Variants in ABCE1 observed in about 807,000 individuals in gnomAD.
The protein encoded by ABCE1 is ATP binding cassette subfamily E member 1.
ABCE1 carries 22 observed loss-of-function variants against 83.4 expected under a neutral mutation model. That is an observed-to-expected ratio of 0.26 (90% CI 0.19 to 0.38). The LOEUF (loss-of-function observed/expected upper bound fraction) is 0.38. ABCE1 is among the 10% of genes least tolerant of loss of function. The pLI is 1.00. For synonymous variants in ABCE1, 204 were observed against 233.7 expected (o/e 0.87, Z 1.16); for missense variants, 330 against 721.9 (o/e 0.46, Z 6.22).
chr4:145,119,278 T>TA (rs1188955652), intron 10 of ABCE1, among the ~76,000 whole-genome samples: 9 of 151,988 alleles, frequency 5.9e-5, no homozygotes, highest in African/African-American at 2.2e-4. Flanking sequence ...GTTTCTCAAA[T>TA]ACGCTTTTCA....
chr4:145,125,465 C>G (rs1046148167), intron 17 of ABCE1, among the ~76,000 whole-genome samples: 2 of 151,808 alleles, frequency 1.3e-5, no homozygotes, highest in African/African-American at 2.4e-5. Flanking sequence ...GAGACTCTGT[C>G]TAAAAAAATA....
At chr4:145,119,442 T>C (rs1749683994) in intron 10 of ABCE1, among the ~76,000 whole-genome samples, 2 of 152,000 alleles carry the variant, frequency 1.3e-5, no homozygotes, top group South Asian at 4.1e-4. Context: ...TTAGCTCATA[T>C]TCAATTTCAT....
intron 10 of ABCE1, among the ~76,000 whole-genome samples, chr4:145,117,657 G>A (rs1749641056): frequency 6.6e-6 from 1 of 151,678 alleles, no homozygotes; most frequent in South Asian, 2.1e-4. Flanking sequence ...TTTGTTGGGG[G>A]TTGGGAGGCT....
intron 8 of ABCE1, 81 bp downstream of exon 8, chr4:145,111,145 T>A (rs1749459640): frequency 1.1e-6 from 1 of 932,214 alleles, no homozygotes; most frequent in Non-Finnish European, 1.6e-6. Flanking sequence ...GAGGAATGGT[T>A]TTGAGAGAAA....
At chr4:145,112,780 C>G (rs1410672723) in intron 9 of ABCE1, among the ~76,000 whole-genome samples, 1 of 152,098 alleles carries the variant, frequency 6.6e-6, no homozygotes, top group African/African-American at 2.4e-5. Flanking sequence ...TTATAGGGTG[C>G]TTTTGTGGTT....
intron 11 of ABCE1, 128 bp downstream of exon 11, chr4:145,120,281 A>G (rs1012055524): frequency 1.3e-6 from 1 of 755,712 alleles, no homozygotes; most frequent in Non-Finnish European, 2.1e-6. Flanking sequence ...TAAACCCACA[A>G]ATTTCTTAGT....
chr4:145,103,176 C>T (rs1282200458), intron 1 of ABCE1, among the ~76,000 whole-genome samples: 5 of 151,790 alleles, frequency 3.3e-5, no homozygotes, highest in Admixed American at 1.3e-4. Context: ...TCTCTTATCC[C>T]CATCCAAGCC....
At chr4:145,101,245 A>G (rs1749148460) in intron 1 of ABCE1, among the ~76,000 whole-genome samples, 1 of 152,134 alleles carries the variant, frequency 6.6e-6, no homozygotes, top group South Asian at 2.1e-4. Context: ...TAAGCCATGT[A>G]ACTCTCTAGG....
At position 145,127,719 on chromosome 4, in the gene ABCE1, T is replaced by C; in HGVS notation, c.*146T>C. The C allele has an allele frequency of 3.7e-6, 2 of 540,574 alleles. No individual in the cohort carries two copies. The highest frequency in any genetic ancestry group is 6.0e-6 in the Non-Finnish European group (2 of 333,602). The allele number at this position is 540,574 out of a possible 1,614,324, so 33.5% of individuals were successfully genotyped here. Reference sequence around the variant, plus strand: ...TACTTAATATAACATAAAAAGCCAGTTGGGTTCTAAATTGTAGTTGAAACA... The same window carrying C: ...TACTTAATATAACATAAAAAGCCAGCTGGGTTCTAAATTGTAGTTGAAACA... On this transcript the variant is annotated 3_prime_UTR_variant, in exon 18 of 18. Transcript: ENST00000296577.
At chr4:145,112,958 T>TTTTTCTGTATAGTA (rs1177795767) in intron 9 of ABCE1, among the ~76,000 whole-genome samples, 1 of 152,158 alleles carries the variant, frequency 6.6e-6, no homozygotes, top group Non-Finnish European at 1.5e-5. Flanking sequence ...CCCAGGGGTT[T>TTTTTCTGTATAGTA]TTTTCTGTAT....
chr4:145,126,535 TC>T (rs1354997084), intron 17 of ABCE1, among the ~76,000 whole-genome samples: 1 of 152,174 alleles, frequency 6.6e-6, no homozygotes, highest in African/African-American at 2.4e-5. Flanking sequence ...GACCTAGTGT[TC>T]CACCTGCCTT....
intron 1 of ABCE1, among the ~76,000 whole-genome samples, chr4:145,102,201 CAAT>C (rs1749170384): frequency 6.6e-6 from 1 of 152,036 alleles, no homozygotes; most frequent in African/African-American, 2.4e-5. Context: ...ATGTGAAGAA[CAAT>C]GATGGCTCGA....
intron 1 of ABCE1, among the ~76,000 whole-genome samples, chr4:145,102,348 C>T (rs904151535): frequency 2.0e-5 from 3 of 151,934 alleles, no homozygotes; most frequent in African/African-American, 7.3e-5. Context: ...CAATGGGAGA[C>T]GATGGGGTCA....
At position 145,129,499 on chromosome 4, in the gene ABCE1, A is replaced by T. The variant is rs1255916462; in HGVS notation, c.*1926A>T. On this transcript the variant is annotated 3_prime_UTR_variant, in exon 18 of 18. Transcript: ENST00000296577. ...TTTTGTGAAAATATACAAAATATTG[A>T]AATAAAGGAATACTCAAGAAACAGA... Among the ~76,000 whole-genome samples the T allele has an allele frequency of 2.0e-5, 3 of 152,188 alleles. No individual in the cohort carries two copies. Among genetic ancestry groups the T allele is most frequent in the Non-Finnish European group, 4.4e-5 (3 of 68,022 alleles).
At chr4:145,108,154 G>T (rs773483417) in intron 4 of ABCE1, 42 bp downstream of exon 4, 2 of 1,556,876 alleles carry the variant, frequency 1.3e-6, no homozygotes, top group Admixed American at 1.7e-5. Context: ...CAAGTTAAGA[G>T]TAAAATACAT....
intron 8 of ABCE1, among the ~76,000 whole-genome samples, chr4:145,112,006 G>A (rs1014719294): frequency 6.6e-6 from 1 of 152,124 alleles, no homozygotes; most frequent in African/African-American, 2.4e-5. Flanking sequence ...AGCCTAACCT[G>A]GTAGACCCTC....
intron 11 of ABCE1, chr4:145,120,861 T>G (rs1398638441): frequency 3.7e-6 from 1 of 270,728 alleles, no homozygotes; most frequent in African/African-American, 2.2e-5. Context: ...ACTGTCTTAA[T>G]AAATTGTGTG....
intron 10 of ABCE1, 72 bp downstream of exon 10, chr4:145,117,486 T>C (rs1749636174): frequency 2.1e-6 from 3 of 1,443,240 alleles, no homozygotes; most frequent in Non-Finnish European, 2.8e-6. Context: ...ACATTATTGA[T>C]ATTAAGTAGT....
In ABCE1 at chr4:145,123,372, C is replaced by T. The variant is rs574400530; in HGVS notation, c.1517+15C>T. ...GTTGTCAAACGGTAAATATCTTGCTCCTAGCCATATTTTGATTATGTATAC... is the reference window on the plus strand; with the variant it reads ...GTTGTCAAACGGTAAATATCTTGCTTCTAGCCATATTTTGATTATGTATAC... On this transcript the variant is annotated intron_variant, in intron 15 of 17. Transcript: ENST00000296577. The T allele has an allele frequency of 1.9e-5, 31 of 1,597,230 alleles. No homozygotes were observed. Among genetic ancestry groups the T allele is most frequent in the South Asian group, 1.6e-4 (14 of 89,316 alleles).
Sources: gnomAD v4.1 joint callset for allele counts (sites outside exome capture counted in the v4.1 genomes callset) on GRCh38, gnomAD v4.1.1 for gene constraint, MANE v1.5 for transcripts, NCBI Gene and HGNC (gene_info 2026-07-23, HGNC 2026-07-21) for gene names.